C11orf58: variants seen among roughly 807,000 people sequenced by gnomAD.
C11orf58 encodes the protein chromosome 11 open reading frame 58, also known as small acidic protein.
A neutral mutation model predicts 22.7 loss-of-function variants in C11orf58; 5 were observed. The ratio of observed to expected loss-of-function variants is 0.22; its 90% confidence interval spans 0.12 to 0.46. The LOEUF is 0.46. Ranked by LOEUF, C11orf58 falls within the 20% of genes least tolerant of loss-of-function variation. C11orf58 has a pLI of 0.99. For missense variants in C11orf58, 151 were observed against 223.3 expected (o/e 0.68, Z 2.06); for synonymous variants, 71 against 70.7 (o/e 1.00, Z -0.02).
At chr11:16,748,857 C>G (rs914491041) in intron 3 of C11orf58, among the ~76,000 whole-genome samples, 2 of 152,104 alleles carry the variant, frequency 1.3e-5, no homozygotes, top group African/African-American at 4.8e-5. Flanking sequence ...TTATGATATT[C>G]TAACCAAGAA....
intron 1 of C11orf58, among the ~76,000 whole-genome samples, chr11:16,741,871 T>C (rs574156257): frequency 1.1e-4 from 17 of 152,320 alleles, no homozygotes; most frequent in African/African-American, 4.1e-4. Context: ...GAGTCTACAT[T>C]ATGGTGAGTT....
rs776004377 is a variant in C11orf58 at position 16,757,189 on chromosome 11, C to T, written c.*2085C>T. Among the ~76,000 whole-genome samples the T allele has an allele frequency of 3.3e-5, 5 of 151,962 alleles. No homozygotes were observed. The highest frequency in any genetic ancestry group is 2.9e-5 in the Non-Finnish European group (2 of 68,024). ...TTATTCAACAATTTTAGTTTGCCCA[C>T]TGATTTTCAAATGTCTGTGGGATTG... On this transcript the variant is annotated 3_prime_UTR_variant, in exon 5 of 5. Coordinates refer to ENST00000228136, the MANE Select transcript of C11orf58 (RefSeq NM_014267.6).
Position 16,754,966 on chromosome 11 carries a change from C to A in C11orf58, c.414C>A (p.Ser138Arg), listed in dbSNP as rs777342116. 6.8e-6 allele frequency: 11 copies of A among 1,613,992 alleles called. No individual in the cohort carries two copies. The highest frequency in any genetic ancestry group is 9.3e-6 in the Non-Finnish European group (11 of 1,180,000). Reference protein sequence around the residue: ...PDPESPDDSESDSESEKEESA... With the variant: ...PDPESPDDSERDSESEKEESA... ...CTGAAAGTCCAGATGATTCTGAAAGCGATTCAGAGTCAGAGAAAGAAGAAT... is the reference window on the plus strand; with the variant it reads ...CTGAAAGTCCAGATGATTCTGAAAGAGATTCAGAGTCAGAGAAAGAAGAAT... The change falls in exon 5 of 5, where the codon AGC (serine) becomes AGA (arginine). Residue 138 changes from serine (S) to arginine (R), a missense_variant. Physicochemically the swap from Ser to Arg is moderately radical, Grantham distance 110. Coordinates refer to ENST00000228136, the MANE Select transcript of C11orf58 (RefSeq NM_014267.6).
At chr11:16,741,674 C>G in intron 1 of C11orf58, among the ~76,000 whole-genome samples, 1 of 152,216 alleles carries the variant, frequency 6.6e-6, no homozygotes, top group East Asian at 1.9e-4. Flanking sequence ...GCATTACCAC[C>G]TGAGCTCTGC....
At chr11:16,743,611 A>C (rs7122218) in intron 1 of C11orf58, among the ~76,000 whole-genome samples, 3,532 of 152,318 alleles carry the variant, frequency 0.023, 143 homozygotes, top group African/African-American at 0.081. Context: ...TATGAATGGA[A>C]AATGAAAAAT....
intron 4 of C11orf58, among the ~76,000 whole-genome samples, 157 bp downstream of exon 4, chr11:16,753,051 T>G (rs191266068): frequency 1.3e-5 from 2 of 152,324 alleles, no homozygotes; most frequent in Non-Finnish European, 1.5e-5. Flanking sequence ...ACTGGTCTTG[T>G]AGATAATCAG....
intron 1 of C11orf58, among the ~76,000 whole-genome samples, chr11:16,743,820 AAAC>A (rs1335903145): frequency 3.4e-5 from 5 of 146,778 alleles, no homozygotes; most frequent in Non-Finnish European, 7.4e-5. Context: ...AACTATTAAA[AAAC>A]AACAGTTTTT....
intron 1 of C11orf58, among the ~76,000 whole-genome samples, chr11:16,739,893 A>G (rs1208886104): frequency 3.3e-5 from 5 of 152,244 alleles, no homozygotes; most frequent in Non-Finnish European, 5.9e-5. Flanking sequence ...AGCCCACTGA[A>G]TACTACTTTG....
At chr11:16,753,528 A>G (rs1450993563) in intron 4 of C11orf58, among the ~76,000 whole-genome samples, 2 of 151,780 alleles carry the variant, frequency 1.3e-5, no homozygotes, top group Non-Finnish European at 2.9e-5. Flanking sequence ...ACACCAGGCT[A>G]ATTTTTTGTA....
At chr11:16,753,756 A>G (rs548731752) in intron 4 of C11orf58, 10 of 397,378 alleles carry the variant, frequency 2.5e-5, no homozygotes, top group Admixed American at 4.4e-5. Flanking sequence ...CCCTTTTTTG[A>G]GACAGGTTCT....
chr11:16,743,564 T>C (rs1163059245), intron 1 of C11orf58, among the ~76,000 whole-genome samples: 1 of 152,226 alleles, frequency 6.6e-6, no homozygotes, highest in Non-Finnish European at 1.5e-5. Context: ...CGTCTAATAA[T>C]GATTAATGCC....
At position 16,754,547 on chromosome 11, in the gene C11orf58, C is replaced by CTTTTTTTTTTTTTT; in HGVS notation, c.319-299_319-286dup. On this transcript the variant is annotated intron_variant, in intron 4 of 4. Transcript: ENST00000228136. ...TTTTAGTTTCTCTCTCTCTCTCTCC[C>CTTTTTTTTTTTTTT]TTTTTTTTTTTTTTTTTTTTTTTTT... is the stretch of plus-strand genomic sequence containing the variant. Among the ~76,000 whole-genome samples, 4 of 31,446 alleles carry CTTTTTTTTTTTTTT rather than the reference C, an allele frequency of 1.3e-4. 2 individuals are homozygous for CTTTTTTTTTTTTTT. The highest frequency in any genetic ancestry group is 2.6e-4 in the Non-Finnish European group (4 of 15,290). 20.6% of individuals were successfully genotyped at this position (31,446 alleles called of 152,430 possible). A position where few individuals can be genotyped will look rare whatever the true frequency, so the allele number is the denominator to read the frequency against.
chr11:16,748,206 G>T, intron 3 of C11orf58, 49 bp downstream of exon 3: 3 of 1,417,808 alleles, frequency 2.1e-6, no homozygotes, highest in Non-Finnish European at 2.0e-6. Context: ...TTCAGAATAT[G>T]AAGTATGTGT....
Position 16,758,280 on chromosome 11 carries a change from ATT to A in C11orf58, c.*3178_*3179del, listed in dbSNP as rs1433407414. ...CCAAGCCCTCCTACCCTCACCAGTT[ATT>A]TCTGGAGAAAGATCACCAAATGTAT... On this transcript the variant is annotated 3_prime_UTR_variant, in exon 5 of 5. Transcript: ENST00000228136. 6.6e-6 allele frequency among the ~76,000 whole-genome samples: 1 copy of A among 152,176 alleles called. No homozygotes were observed. The highest frequency in any genetic ancestry group is 2.4e-5 in the African/African-American group (1 of 41,438).
At chr11:16,739,041 C>G (rs1848421164) in intron 1 of C11orf58, among the ~76,000 whole-genome samples, 200 bp downstream of exon 1, 1 of 151,960 alleles carries the variant, frequency 6.6e-6, no homozygotes, top group Admixed American at 6.6e-5. Context: ...ACGCTGAGAG[C>G]CGGAGACCTG....
At chr11:16,744,226 C>G (rs1213431533) in intron 1 of C11orf58, 3 of 187,734 alleles carry the variant, frequency 1.6e-5, no homozygotes, top group Non-Finnish European at 3.3e-5. Context: ...AGTGTGGTCC[C>G]CAGATAAATA....
intron 1 of C11orf58, among the ~76,000 whole-genome samples, chr11:16,740,790 GA>G (rs34324472): frequency 0.53 from 71,063 of 133,348 alleles, 18,854 homozygotes; most frequent in Admixed American, 0.63. Context: ...AGCTGTTGCA[GA>G]AAAAAAAAAA....
rs1407791488 is a variant in C11orf58, at chr11:16,757,155, AG to A, written c.*2052del. On this transcript the variant is annotated 3_prime_UTR_variant, in exon 5 of 5. Coordinates refer to ENST00000228136, the MANE Select transcript of C11orf58 (RefSeq NM_014267.6). The stretch of plus-strand genomic sequence containing the variant: ...ATTTAACAAATACTTGGTTTGAAAA[AG>A]TTTGGCTTTATTCAACAATTTTAGT... Among the ~76,000 whole-genome samples, 1 of 152,098 alleles carries A rather than the reference AG, an allele frequency of 6.6e-6. No individual in the cohort carries two copies. The highest frequency in any genetic ancestry group is 1.5e-5 in the Non-Finnish European group (1 of 68,020).
At chr11:16,741,089 CTG>C (rs1298421784) in intron 1 of C11orf58, among the ~76,000 whole-genome samples, 1 of 115,436 alleles carries the variant, frequency 8.7e-6, no homozygotes, top group Non-Finnish European at 1.7e-5. Flanking sequence ...GAGCGAGACT[CTG>C]TTTAAAAAAA....
Sources: allele counts gnomAD v4.1 joint callset (sites outside exome capture counted in the v4.1 genomes callset), GRCh38; gene constraint gnomAD v4.1.1; transcripts MANE v1.5; gene names NCBI Gene and HGNC (gene_info 2026-07-23, HGNC 2026-07-21).